Variants in HOMER2 observed in about 807,000 individuals in gnomAD.
The protein encoded by HOMER2 is homer protein homolog 2.
In HOMER2, 27 loss-of-function variants were observed where a neutral mutation model predicts 47.0. The ratio of observed to expected loss-of-function variants is 0.57; its 90% CI spans 0.42 to 0.79. HOMER2 has a LOEUF of 0.79. HOMER2 is among the 30% of genes least tolerant of loss of function. HOMER2 has a pLI of 0.00. For synonymous variants in HOMER2, 161 were observed against 163.8 expected, an observed-to-expected ratio of 0.98 and a Z score of 0.13; for missense variants, 443 against 435.0, an observed-to-expected ratio of 1.02 and a Z score of -0.16.
intron 1 of HOMER2, chr15:82,952,025 A>C: frequency 1.0e-6 from 1 of 983,642 alleles, no homozygotes; most frequent in Non-Finnish European, 1.2e-6. Flanking sequence ...TTCCTTATAG[A>C]CTTCCATCAT....
At chr15:82,938,512 C>A (rs1318501617) in intron 1 of HOMER2, among the ~76,000 whole-genome samples, 2 of 152,174 alleles carry the variant, frequency 1.3e-5, no homozygotes, top group Non-Finnish European at 2.9e-5. Flanking sequence ...TAGTTGCCGC[C>A]TGCCTCCAAC....
chr15:82,854,687 T>C lies in HOMER2; in HGVS notation c.608A>G (p.Gln203Arg). The C allele has an allele frequency of 6.2e-7, 1 of 1,613,142 alleles. No homozygotes were observed. The highest frequency in any genetic ancestry group is 8.5e-7 in the Non-Finnish European group (1 of 1,179,866). Residue 203 changes from glutamine to arginine, a missense_variant, in exon 6 of 9, where the codon CAG becomes CGG. Coordinates refer to ENST00000450735, the MANE Select transcript of HOMER2 (RefSeq NM_004839.4). ...SAASVEQWKR[Q>R]FSICRDENDR... The stretch of plus-strand genomic sequence containing the variant: ...ATTCTCATCACGGCAGATGGAGAAC[T>C]GCCTCTTCCACTGCTCCACACTGGC...
chr15:82,982,581 A>G (rs567668350), intron 1 of HOMER2, among the ~76,000 whole-genome samples: 4 of 152,312 alleles, frequency 2.6e-5, no homozygotes, highest in Non-Finnish European at 5.9e-5. Context: ...AAATGCTCCA[A>G]TGAGCATTTC....
At chr15:82,978,371 A>G (rs1334701110) in intron 1 of HOMER2, among the ~76,000 whole-genome samples, 1 of 152,170 alleles carries the variant, frequency 6.6e-6, no homozygotes, top group Non-Finnish European at 1.5e-5. Flanking sequence ...GGTATATGAA[A>G]GACATAAAGA....
intron 1 of HOMER2, among the ~76,000 whole-genome samples, chr15:82,962,328 G>A (rs2151251569): frequency 7.0e-6 from 1 of 143,716 alleles, no homozygotes; most frequent in East Asian, 2.1e-4. Flanking sequence ...TTGCGCCACT[G>A]CACTCCAGCC....
exon 2 of HOMER2, chr15:82,843,747 G>C (rs369277571): frequency 2.6e-5 from 4 of 152,190 alleles, no homozygotes; most frequent in South Asian, 4.1e-4. Context: ...GTGTTAAAGA[G>C]GAAGCAGTAC....
At chr15:82,932,449 C>T (rs2054035373) in intron 1 of HOMER2, among the ~76,000 whole-genome samples, 1 of 151,096 alleles carries the variant, frequency 6.6e-6, no homozygotes, top group Non-Finnish European at 1.5e-5. Flanking sequence ...GAGCCAAGAT[C>T]ACACCACTGC....
intron 7 of HOMER2, 75 bp from the exon 8 acceptor site, chr15:82,851,306 G>GCA (rs2051386762): frequency 2.0e-6 from 2 of 1,022,332 alleles, no homozygotes; most frequent in African/African-American, 3.2e-5. Context: ...ACCAATGTGT[G>GCA]CACGCTCGTG....
chr15:82,942,446 C>T (rs1271598296), intron 1 of HOMER2, among the ~76,000 whole-genome samples: 1 of 152,188 alleles, frequency 6.6e-6, no homozygotes, highest in African/African-American at 2.4e-5. Context: ...GTCCACATGG[C>T]CCCTGGTACA....
At chr15:82,859,191 A>G (rs746639457) in intron 4 of HOMER2, 56 bp from the exon 5 acceptor site, 9 of 1,612,802 alleles carry the variant, frequency 5.6e-6, no homozygotes, top group South Asian at 4.4e-5. Context: ...AATTATCTTC[A>G]CACGTTATTG....
At chr15:82,972,586 G>A (rs1001988622) in intron 1 of HOMER2, among the ~76,000 whole-genome samples, 1 of 152,100 alleles carries the variant, frequency 6.6e-6, no homozygotes, top group Non-Finnish European at 1.5e-5. Context: ...CTGACCTCAG[G>A]TGATCTGCCC....
chr15:82,865,066 C>T (rs1301626131), intron 3 of HOMER2, among the ~76,000 whole-genome samples: 1 of 152,230 alleles, frequency 6.6e-6, no homozygotes, highest in Admixed American at 6.5e-5. Context: ...ATGCCGACAA[C>T]AGTGGTCTAC....
At chr15:82,848,458 C>T (rs1028947648), downstream of HOMER2, among the ~76,000 whole-genome samples, 1 of 152,218 alleles carries the variant, frequency 6.6e-6, no homozygotes, top group African/African-American at 2.4e-5. Context: ...CAACAGCACC[C>T]ACAGGCCCGC....
intron 3 of HOMER2, among the ~76,000 whole-genome samples, chr15:82,869,485 G>T: frequency 1.0e-5 from 1 of 96,452 alleles, no homozygotes; most frequent in Non-Finnish European, 1.8e-5. Context: ...TTGAGACAGA[G>T]TCTCACTCTG....
chr15:82,978,511 T>C (rs1282332498), intron 1 of HOMER2, among the ~76,000 whole-genome samples: 4 of 152,146 alleles, frequency 2.6e-5, no homozygotes, highest in African/African-American at 7.2e-5. Flanking sequence ...GTGTACAACA[T>C]AGTACGAAGT....
intron 3 of HOMER2, among the ~76,000 whole-genome samples, chr15:82,872,400 CT>C (rs1349645002): frequency 3.9e-5 from 6 of 152,120 alleles, no homozygotes; most frequent in African/African-American, 1.4e-4. Flanking sequence ...ATATTTGTGC[CT>C]CGGTATTTTT....
intron 1 of HOMER2, among the ~76,000 whole-genome samples, chr15:82,906,243 C>A (rs924163965): frequency 6.6e-6 from 1 of 152,022 alleles, no homozygotes; most frequent in Admixed American, 6.5e-5. Flanking sequence ...ATTACAACTA[C>A]AAAAGGCAGA....
intron 1 of HOMER2, among the ~76,000 whole-genome samples, chr15:82,908,016 A>G (rs183614096): frequency 6.6e-6 from 1 of 152,372 alleles, no homozygotes; most frequent in East Asian, 1.9e-4. Context: ...CAGACATTCT[A>G]TGATTCCATT....
intron 3 of HOMER2, among the ~76,000 whole-genome samples, chr15:82,873,368 G>A (rs2052239852): frequency 6.6e-6 from 1 of 152,142 alleles, no homozygotes; most frequent in Admixed American, 6.5e-5. Flanking sequence ...TGTCCCACAT[G>A]ACACTGCTTC....
Sources: allele counts gnomAD v4.1 joint callset (sites outside exome capture counted in the v4.1 genomes callset), GRCh38; gene constraint gnomAD v4.1.1; transcripts MANE v1.5; gene names NCBI Gene and HGNC (gene_info 2026-07-23, HGNC 2026-07-21).